GPR89A: variants seen among roughly 807,000 people sequenced by gnomAD.
The protein encoded by GPR89A is G protein-coupled receptor 89A.
Under a neutral mutation model 52.0 loss-of-function variants are expected in GPR89A, and 16 were observed. That is an observed-to-expected ratio of 0.31 (90% CI 0.21 to 0.47). The LOEUF is 0.47. Among genes scored for constraint, GPR89A ranks in the 20% least tolerant of loss-of-function variants. The pLI is 1.00. For missense variants in GPR89A, 135 were observed against 449.4 expected, an observed-to-expected ratio of 0.30 and a Z score of 6.33; for synonymous variants, 55 against 150.9, an observed-to-expected ratio of 0.36 and a Z score of 4.66.
intron 12 of GPR89A, among the ~76,000 whole-genome samples, chr1:145,666,348 G>T (rs1427861376): frequency 2.0e-5 from 3 of 150,546 alleles, no homozygotes; most frequent in Middle Eastern, 3.4e-3. Context: ...GCAGAATATA[G>T]CAAGTCCTTA....
chr1:145,616,328 A>G (rs782749450), intron 2 of GPR89A, 35 bp downstream of exon 2: 1 of 1,560,112 alleles, frequency 6.4e-7, no homozygotes, highest in Non-Finnish European at 8.7e-7. Flanking sequence ...CTTACACTAT[A>G]TGATTTAGAT....
chr1:145,608,283 C>T (rs1647957519), intron 1 of GPR89A, 108 bp downstream of exon 1: 2 of 1,457,794 alleles, frequency 1.4e-6, no homozygotes, highest in Admixed American at 1.7e-5. Flanking sequence ...CTCTCTTACG[C>T]GTCCTGCGCT....
intron 2 of GPR89A, 52 bp downstream of exon 2, chr1:145,616,345 G>A: frequency 6.8e-7 from 1 of 1,461,870 alleles, no homozygotes; most frequent in Non-Finnish European, 9.4e-7. Context: ...AGATTGACAA[G>A]AAAAATGTCT....
chr1:145,666,413 T>A (rs1264992741), intron 12 of GPR89A, among the ~76,000 whole-genome samples: 2 of 151,970 alleles, frequency 1.3e-5, no homozygotes, highest in Non-Finnish European at 1.5e-5. Context: ...ATATACCAAG[T>A]CCTCAAAAAA....
intron 11 of GPR89A, among the ~76,000 whole-genome samples, chr1:145,663,947 T>G (rs1261698015): frequency 1.3e-5 from 2 of 149,498 alleles, no homozygotes; most frequent in Admixed American, 1.3e-4. Context: ...ATGCACAAAA[T>G]TTTTTTTTAA....
At chr1:145,623,571 CTA>C in intron 4 of GPR89A, 40 bp from the exon 5 acceptor site, 1 of 1,155,950 alleles carries the variant, frequency 8.7e-7, no homozygotes, top group Non-Finnish European at 1.3e-6. Context: ...GCTCTTTAAC[CTA>C]TATCTGTTTT....
rs1334959647 is a variant in GPR89A, at chr1:145,659,601, T to C, written c.910-3728T>C. Among the ~76,000 whole-genome samples, 346 of 140,602 alleles carry C rather than the reference T, an allele frequency of 2.5e-3. 2 individuals carry two copies. The highest frequency in any genetic ancestry group is 3.9e-3 in the Non-Finnish European group (255 of 65,552). The allele number at this position is 140,602 out of a possible 152,430, so 92.2% of individuals were successfully genotyped here. A position where few individuals can be genotyped will look rare whatever the true frequency, so the allele number is the denominator to read the frequency against. On this transcript the variant is annotated intron_variant, in intron 10 of 13. Coordinates refer to ENST00000313835, the MANE Select transcript of GPR89A (RefSeq NM_001097612.2). ...TCCACATCCCCACCAACAATTGTTA[T>C]TAACTTTTTTATACTGTTCCATTGA...
intron 1 of GPR89A, among the ~76,000 whole-genome samples, chr1:145,613,456 A>G (rs1318775514): frequency 2.6e-5 from 4 of 152,118 alleles, no homozygotes; most frequent in African/African-American, 9.7e-5. Flanking sequence ...TGTGTCTTCC[A>G]TACAGCCACC....
intron 1 of GPR89A, among the ~76,000 whole-genome samples, chr1:145,609,248 G>C (rs1648077520): frequency 6.6e-6 from 1 of 152,130 alleles, no homozygotes; most frequent in Non-Finnish European, 1.5e-5. Flanking sequence ...CTTTGATTCC[G>C]TTTTTGTATT....
intron 1 of GPR89A, among the ~76,000 whole-genome samples, chr1:145,610,577 A>T (rs1184942567): frequency 6.6e-6 from 1 of 152,074 alleles, no homozygotes; most frequent in Non-Finnish European, 1.5e-5. Flanking sequence ...ACTGGACTAG[A>T]TGTCCCTATA....
rs1648699477 is a variant in GPR89A, at chr1:145,616,354, C to T, written c.102+61C>T. Reference sequence around the variant, plus strand: ...TGATTTAGATTGACAAGAAAAATGTCTCCATTAAAGAAACATTATGTTCAT... The same window carrying T: ...TGATTTAGATTGACAAGAAAAATGTTTCCATTAAAGAAACATTATGTTCAT... On this transcript the variant is annotated intron_variant, in intron 2 of 13. Transcript: ENST00000313835. 26 of 1,380,976 alleles carry T rather than the reference C, an allele frequency of 1.9e-5. No individual in the cohort carries two copies. In the South Asian group the frequency reaches 3.1e-4, roughly 16 times the overall value. The allele number at this position is 1,380,976 out of a possible 1,614,324, so 85.5% of individuals were successfully genotyped here.
At chr1:145,608,518 C>A in intron 1 of GPR89A, 2 of 715,264 alleles carry the variant, frequency 2.8e-6, no homozygotes. Context: ...GCTGCGCCAA[C>A]TGATCCTGGA....
chr1:145,629,237 T>C (rs1246030827), intron 5 of GPR89A, among the ~76,000 whole-genome samples: 1 of 152,112 alleles, frequency 6.6e-6, no homozygotes, highest in African/African-American at 2.4e-5. Context: ...CAGCTTTGGA[T>C]GCTACTTTGT....
intron 1 of GPR89A, among the ~76,000 whole-genome samples, chr1:145,609,970 C>T (rs1347710093): frequency 6.6e-6 from 1 of 152,170 alleles, no homozygotes; most frequent in Admixed American, 6.5e-5. Context: ...CGGCTGCCTT[C>T]TTCCTCATTT....
chr1:145,656,384 G>A (rs1176443741), intron 10 of GPR89A, among the ~76,000 whole-genome samples: 2 of 151,970 alleles, frequency 1.3e-5, no homozygotes, highest in African/African-American at 2.4e-5. Context: ...ATCACTCATC[G>A]CCTTCCTTGA....
intron 7 of GPR89A, among the ~76,000 whole-genome samples, chr1:145,639,568 G>A (rs1448135890): frequency 3.3e-5 from 5 of 150,670 alleles, no homozygotes; most frequent in Admixed American, 2.0e-4. Context: ...CCAATATGGC[G>A]AAACCCCGTC....
At chr1:145,654,553 C>A (rs1263944847) in intron 10 of GPR89A, among the ~76,000 whole-genome samples, 126,573 of 126,924 alleles carry the variant, frequency 1, 63,151 homozygotes, top group African/African-American at 1. Flanking sequence ...AATCCATCTA[C>A]AAAAAAAAAA....
chr1:145,609,166 T>C (rs1648068131), intron 1 of GPR89A, among the ~76,000 whole-genome samples: 2 of 152,242 alleles, frequency 1.3e-5, no homozygotes, highest in Non-Finnish European at 2.9e-5. Flanking sequence ...TGTTTTTACT[T>C]GTTCTTTCTC....
At chr1:145,657,599 A>G (rs1377113880) in intron 10 of GPR89A, among the ~76,000 whole-genome samples, 3 of 152,234 alleles carry the variant, frequency 2.0e-5, no homozygotes, top group Non-Finnish European at 4.4e-5. Context: ...GAGTTTATCA[A>G]TAAAGCCGTC....
Sources: allele counts gnomAD v4.1 joint callset (sites outside exome capture counted in the v4.1 genomes callset), GRCh38; gene constraint gnomAD v4.1.1; transcripts MANE v1.5; gene names NCBI Gene and HGNC (gene_info 2026-07-23, HGNC 2026-07-21).